POMZP3: variants seen among roughly 807,000 people sequenced by gnomAD.
POMZP3 encodes the protein POM121 and ZP3 fusion.
Under a neutral mutation model 19.8 loss-of-function variants are expected in POMZP3, and 10 were observed. That is an observed-to-expected ratio of 0.51 (90% CI 0.31 to 0.86). The LOEUF (loss-of-function observed/expected upper bound fraction) is 0.86. POMZP3 is among the 40% of genes least tolerant of loss of function. The pLI is 0.04. For missense variants in POMZP3, 152 were observed against 228.1 expected, an observed-to-expected ratio of 0.67 and a Z score of 2.15; for synonymous variants, 57 against 85.8, an observed-to-expected ratio of 0.66 and a Z score of 1.85.
intron 3 of POMZP3, among the ~76,000 whole-genome samples, chr7:76,621,651 G>C (rs535939709): frequency 5.9e-5 from 9 of 151,782 alleles, no homozygotes; most frequent in African/African-American, 1.9e-4. Context: ...AAAACAGGTT[G>C]CAGTGATGGC....
rs1485755867 is a variant in POMZP3 at position 76,626,729 on chromosome 7, G to A, written c.-173C>T. On this transcript the variant is annotated 5_prime_UTR_variant, in exon 1 of 7. Coordinates refer to ENST00000310842, the MANE Select transcript of POMZP3 (RefSeq NM_012230.5). The stretch of plus-strand genomic sequence containing the variant: ...TCACCGTGGGGAAGGCCTCCCGGAG[G>A]GTCGGAGAAGAGGAGTGGGGAGAGA... 5.0e-6 allele frequency: 7 copies of A among 1,388,732 alleles called. No individual in the cohort carries two copies. Among genetic ancestry groups the A allele is most frequent in the East Asian group, 5.7e-5 (2 of 35,208 alleles). The allele number at this position is 1,388,732 out of a possible 1,614,324, so 86.0% of individuals were successfully genotyped here.
intron 3 of POMZP3, chr7:76,618,758 C>T (rs1287032779): frequency 1.8e-5 from 3 of 169,908 alleles, no homozygotes; most frequent in African/African-American, 7.2e-5. Flanking sequence ...CCAAGAAGCC[C>T]CCAGAAGGTA....
At chr7:76,618,560 G>A (rs1400923515) in intron 3 of POMZP3, 1 of 472,138 alleles carries the variant, frequency 2.1e-6, no homozygotes, top group Non-Finnish European at 3.8e-6. Context: ...GGCAGAGGGT[G>A]TAGTGAGCCA....
intron 3 of POMZP3, among the ~76,000 whole-genome samples, chr7:76,623,197 T>C (rs961190075): frequency 6.7e-6 from 1 of 149,700 alleles, no homozygotes; most frequent in Non-Finnish European, 1.5e-5. Context: ...TTTTTTTTTT[T>C]ATTTCACTTT....
chr7:76,610,016 C>CA lies in POMZP3; in HGVS notation c.*210dup. The stretch of plus-strand genomic sequence containing the variant: ...CTTTCTTCTTTTATTCGGAAGCAGA[C>CA]ACAGGGTGGGAGGCAGTGCGACACC... On this transcript the variant is annotated 3_prime_UTR_variant, in exon 7 of 7. Transcript: ENST00000310842. 1.3e-6 allele frequency: 1 copy of CA among 774,160 alleles called. No individual in the cohort carries two copies. The highest frequency in any genetic ancestry group is 3.6e-4 in the Middle Eastern group (1 of 2,752). 48.0% of individuals were successfully genotyped at this position (774,160 alleles called of 1,614,324 possible). A position where few individuals can be genotyped will look rare whatever the true frequency, so the allele number is the denominator to read the frequency against.
chr7:76,614,936 A>G (rs1815239701), intron 4 of POMZP3, among the ~76,000 whole-genome samples: 1 of 102,494 alleles, frequency 9.8e-6, no homozygotes, highest in South Asian at 3.6e-4. Context: ...CTGCAGCCTT[A>G]AACACCTGAA....
chr7:76,610,818 C>T (rs1002990483), intron 6 of POMZP3, among the ~76,000 whole-genome samples: 1 of 150,430 alleles, frequency 6.6e-6, no homozygotes, highest in African/African-American at 2.5e-5. Context: ...TTTCCCTGGC[C>T]TCAGCCTCCC....
chr7:76,621,240 G>A (rs2116871353), intron 3 of POMZP3: 1 of 151,230 alleles, frequency 6.6e-6, no homozygotes, highest in South Asian at 2.1e-4. Flanking sequence ...TCAGATGGAG[G>A]CCAATTAGCG....
chr7:76,620,861 A>AT (rs56084078), intron 3 of POMZP3, among the ~76,000 whole-genome samples: 998 of 76,162 alleles, frequency 0.013, 45 homozygotes, highest in East Asian at 0.03. Flanking sequence ...CTGTAAAGCC[A>AT]TTTTTTTTTT....
At chr7:76,619,159 G>A (rs981202665) in intron 3 of POMZP3, among the ~76,000 whole-genome samples, 2 of 152,128 alleles carry the variant, frequency 1.3e-5, no homozygotes, top group Admixed American at 1.3e-4. Flanking sequence ...AGCACTTTGG[G>A]AGGCCAAGGT....
chr7:76,609,995 C>CTTCT lies in POMZP3; in HGVS notation c.*228_*231dup. On this transcript the variant is annotated 3_prime_UTR_variant, in exon 7 of 7. Transcript: ENST00000310842. The stretch of plus-strand genomic sequence containing the variant: ...CCACACCACGACCAGATATTGCTTT[C>CTTCT]TTCTTTTATTCGGAAGCAGACACAG... 4 of 690,706 alleles carry CTTCT rather than the reference C, an allele frequency of 5.8e-6. No individual in the cohort carries two copies. The highest frequency in any genetic ancestry group is 2.6e-5 in the Admixed American group (1 of 39,128). The allele number at this position is 690,706 out of a possible 1,614,324, so 42.8% of individuals were successfully genotyped here.
Position 76,624,594 on chromosome 7 carries a change from T to C in POMZP3, c.227+928A>G, listed in dbSNP as rs190631106. The stretch of plus-strand genomic sequence containing the variant: ...TGGAGTAGCTGGGACTACAGGCACC[T>C]ACCACCACATCCAGCTAATTTTTGT... On this transcript the variant is annotated intron_variant, in intron 3 of 6. Transcript: ENST00000310842. Among the ~76,000 whole-genome samples, 64 of 150,812 alleles carry C rather than the reference T, an allele frequency of 4.2e-4. No individual in the cohort carries two copies. In the South Asian group the frequency reaches 4.3e-3, roughly 10 times the overall value.
At chr7:76,618,332 G>C in intron 3 of POMZP3, 32 bp from the exon 4 acceptor site, 2 of 1,613,728 alleles carry the variant, frequency 1.2e-6, no homozygotes, top group Non-Finnish European at 1.7e-6. Flanking sequence ...GTTAAAGCCA[G>C]ACAGGTGGGC....
chr7:76,622,778 C>T (rs1181031754), intron 3 of POMZP3, among the ~76,000 whole-genome samples: 6 of 151,876 alleles, frequency 4.0e-5, no homozygotes, highest in East Asian at 1.9e-4. Flanking sequence ...TGAGCTCAAG[C>T]GATCTTCCTA....
chr7:76,613,364 C>G (rs939710187), intron 4 of POMZP3, among the ~76,000 whole-genome samples: 4 of 118,758 alleles, frequency 3.4e-5, no homozygotes, highest in Non-Finnish European at 7.5e-5. Context: ...GATACCCTGA[C>G]AGTCCTGGCC....
At chr7:76,624,275 G>A (rs1370249885) in intron 3 of POMZP3, among the ~76,000 whole-genome samples, 28 of 150,296 alleles carry the variant, frequency 1.9e-4, no homozygotes, top group East Asian at 5.9e-4. Context: ...TCGGCCAGGC[G>A]TGGTGGCTCA....
chr7:76,622,842 C>T (rs1044441422), intron 3 of POMZP3, among the ~76,000 whole-genome samples: 12 of 151,800 alleles, frequency 7.9e-5, no homozygotes, highest in East Asian at 3.9e-4. Context: ...CATTCAAACT[C>T]GAGCCCTTTT....
intron 6 of POMZP3, among the ~76,000 whole-genome samples, chr7:76,611,042 T>C (rs1435585884): frequency 1.3e-4 from 18 of 142,150 alleles, no homozygotes; most frequent in Non-Finnish European, 2.3e-4. Context: ...GCCCAGCTAA[T>C]TTTTTATTTT....
chr7:76,627,225 C>T lies in POMZP3; in HGVS notation c.-669G>A, dbSNP rs1004275451. 3.5e-6 allele frequency: 5 copies of T among 1,414,650 alleles called. No homozygotes were observed. The highest frequency in any genetic ancestry group is 2.9e-5 in the East Asian group (1 of 34,562). The allele number at this position is 1,414,650 out of a possible 1,614,324, so 87.6% of individuals were successfully genotyped here. A position where few individuals can be genotyped will look rare whatever the true frequency, so the allele number is the denominator to read the frequency against. ...GCTATCGGCCGCCGCCGCTCGCCTGCTCCAGCCGCCGCAGCCGCCGGAGAC... is the reference window on the plus strand; with the variant it reads ...GCTATCGGCCGCCGCCGCTCGCCTGTTCCAGCCGCCGCAGCCGCCGGAGAC... On this transcript the variant is annotated 5_prime_UTR_variant, in exon 1 of 7. Coordinates refer to ENST00000310842, the MANE Select transcript of POMZP3 (RefSeq NM_012230.5).
Sources: gnomAD v4.1 joint callset for allele counts (sites outside exome capture counted in the v4.1 genomes callset) on GRCh38, gnomAD v4.1.1 for gene constraint, MANE v1.5 for transcripts, NCBI Gene and HGNC (gene_info 2026-07-23, HGNC 2026-07-21) for gene names.